The following GALNTL6 variants were observed in gnomAD, a reference collection of about 807,000 sequenced individuals.
The protein encoded by GALNTL6 is polypeptide N-acetylgalactosaminyltransferase like 6, also known as polypeptide N-acetylgalactosaminyltransferase-like 6.
A neutral mutation model predicts 73.7 loss-of-function variants in GALNTL6; 46 were observed. The observed-to-expected ratio is 0.62, with a 90% CI of 0.49 to 0.80. GALNTL6 has a LOEUF of 0.80. GALNTL6 is among the 30% of genes least tolerant of loss of function. GALNTL6 has a pLI of 0.00. For missense variants in GALNTL6, 604 were observed against 755.0 expected, an observed-to-expected ratio of 0.80 and a Z score of 2.34; for synonymous variants, 259 against 263.7, an observed-to-expected ratio of 0.98 and a Z score of 0.17.
intron 5 of GALNTL6, among the ~76,000 whole-genome samples, chr4:172,630,351 G>A (rs147341001): frequency 2.1e-4 from 32 of 152,280 alleles, no homozygotes; most frequent in African/African-American, 7.5e-4. Flanking sequence ...CAAGGTCATG[G>A]TGTGGAAGGA....
At chr4:172,406,338 A>G (rs1261823557) in intron 5 of GALNTL6, among the ~76,000 whole-genome samples, 1 of 152,036 alleles carries the variant, frequency 6.6e-6, no homozygotes, top group African/African-American at 2.4e-5. Flanking sequence ...CATATATTTT[A>G]GAAATTAAAA....
intron 2 of GALNTL6, among the ~76,000 whole-genome samples, chr4:171,966,961 A>G (rs1739400779): frequency 6.6e-6 from 1 of 152,222 alleles, no homozygotes; most frequent in Admixed American, 6.5e-5. Context: ...TTTTAAAACA[A>G]TAGCCTAATA....
intron 9 of GALNTL6, among the ~76,000 whole-genome samples, chr4:172,945,802 G>A (rs1399938942): frequency 6.6e-6 from 1 of 152,182 alleles, no homozygotes; most frequent in Admixed American, 6.5e-5. Flanking sequence ...CTTCAAAGAA[G>A]TGCTCAGATC....
intron 5 of GALNTL6, among the ~76,000 whole-genome samples, chr4:172,368,213 T>C (rs1742640745): frequency 6.6e-6 from 1 of 152,086 alleles, no homozygotes; most frequent in African/African-American, 2.4e-5. Flanking sequence ...ACTCCGTCTC[T>C]ACTAAAAATA....
intron 5 of GALNTL6, among the ~76,000 whole-genome samples, chr4:172,718,151 T>C (rs1041280553): frequency 2.0e-5 from 3 of 152,230 alleles, no homozygotes; most frequent in African/African-American, 7.2e-5. Flanking sequence ...AGCAACTGAA[T>C]AACTGCATTT....
chr4:172,964,314 G>A (rs1273959389), intron 10 of GALNTL6, among the ~76,000 whole-genome samples: 1 of 152,128 alleles, frequency 6.6e-6, no homozygotes, highest in Non-Finnish European at 1.5e-5. Context: ...GAAGAGTTCT[G>A]CAGAATTCTA....
At chr4:172,841,348 C>G (rs546477823) in intron 7 of GALNTL6, among the ~76,000 whole-genome samples, 24 of 152,288 alleles carry the variant, frequency 1.6e-4, no homozygotes, top group South Asian at 1.2e-3. Context: ...TTCTACAAAT[C>G]AATACTATCG....
chr4:171,858,691 T>G (rs1735752962), intron 2 of GALNTL6, among the ~76,000 whole-genome samples: 4 of 152,122 alleles, frequency 2.6e-5, no homozygotes, highest in Non-Finnish European at 5.9e-5. Flanking sequence ...CAAATACAAA[T>G]GTATCTTCTT....
rs1740220564 is a variant in GALNTL6 at position 171,988,934 on chromosome 4, G to GCA, written c.138+174216_138+174217insCA. ...GAGGCTTTGAACTGGGGGAAAAGGT[G>GCA]GCAATGAGGTGTGGCTGTAGCCTAG... On this transcript the variant is annotated intron_variant, in intron 2 of 12. Transcript: ENST00000506823. Among the ~76,000 whole-genome samples the GCA allele has an allele frequency of 5.9e-4, 89 of 152,036 alleles. No individual in the cohort carries two copies. The South Asian group carries it at 0.017, about 29-fold the overall frequency.
intron 2 of GALNTL6, among the ~76,000 whole-genome samples, chr4:172,030,571 G>T (rs1281852637): frequency 2.6e-5 from 4 of 151,756 alleles, no homozygotes; most frequent in Non-Finnish European, 5.9e-5. Flanking sequence ...TTAGCCAGGT[G>T]TGGTGGTGCA....
At chr4:172,186,763 C>T (rs950843855) in intron 2 of GALNTL6, among the ~76,000 whole-genome samples, 3 of 151,926 alleles carry the variant, frequency 2.0e-5, no homozygotes, top group Non-Finnish European at 2.9e-5. Context: ...AGGTGGCTGC[C>T]GGTGGCTAGG....
intron 2 of GALNTL6, among the ~76,000 whole-genome samples, chr4:172,108,726 A>G (rs547793288): frequency 6.6e-5 from 10 of 152,174 alleles, no homozygotes; most frequent in African/African-American, 1.9e-4. Flanking sequence ...GTGCAATAGA[A>G]ATTTGAATTT....
At chr4:172,411,165 G>A (rs1744420142) in intron 5 of GALNTL6, among the ~76,000 whole-genome samples, 3 of 152,104 alleles carry the variant, frequency 2.0e-5, no homozygotes, top group African/African-American at 7.2e-5. Flanking sequence ...ATGAATGTGT[G>A]TTTGCTGATG....
chr4:171,917,078 T>C (rs1432715416), intron 2 of GALNTL6, among the ~76,000 whole-genome samples: 84 of 152,136 alleles, frequency 5.5e-4, no homozygotes. Context: ...ATTTTTATGA[T>C]TCACATTTCT....
Position 172,668,813 on chromosome 4 carries a change from TA to T in GALNTL6, c.554-140543del, listed in dbSNP as rs1161446659. On this transcript the variant is annotated intron_variant, in intron 5 of 12. Coordinates refer to ENST00000506823, the MANE Select transcript of GALNTL6 (RefSeq NM_001034845.3). ...GTTCATCACATGGTCCAAAGAGAAGTAAAAATAAGATGAGGGGAGTGCAGCA... is the reference window on the plus strand; with the variant it reads ...GTTCATCACATGGTCCAAAGAGAAGTAAAATAAGATGAGGGGAGTGCAGCA... 16 of 152,022 alleles carry T rather than the reference TA, an allele frequency of 1.1e-4. No homozygotes were observed. The East Asian group carries it at 2.9e-3, about 28-fold the overall frequency. 9.4% of individuals were successfully genotyped at this position (152,022 alleles called of 1,614,324 possible). A position where few individuals can be genotyped will look rare whatever the true frequency, so the allele number is the denominator to read the frequency against.
In GALNTL6 at chr4:171,887,116, A is replaced by G. The variant is rs529581351; in HGVS notation, c.138+72398A>G. ...CATCTGGTAAGGGCCTTTTTGCTGC[A>G]TTATCACATGACAAATGGCAGACAG... On this transcript the variant is annotated intron_variant, in intron 2 of 12. Transcript: ENST00000506823. Among the ~76,000 whole-genome samples the G allele has an allele frequency of 2.2e-4, 33 of 152,248 alleles. 1 individual carries two copies. Among genetic ancestry groups the G allele is most frequent in the African/African-American group, 7.9e-4 (33 of 41,536 alleles).
rs1731448399 is a variant in GALNTL6 at position 172,069,461 on chromosome 4, C to CATATAACATATATGTTATAT, written c.139-160191_139-160172dup. Among the ~76,000 whole-genome samples the CATATAACATATATGTTATAT allele has an allele frequency of 1.2e-4, 6 of 52,038 alleles. 2 individuals carry two copies. Among genetic ancestry groups the CATATAACATATATGTTATAT allele is most frequent in the Admixed American group, 4.6e-4 (2 of 4,394 alleles). 34.1% of individuals were successfully genotyped at this position (52,038 alleles called of 152,430 possible). A position where few individuals can be genotyped will look rare whatever the true frequency, so the allele number is the denominator to read the frequency against. On this transcript the variant is annotated intron_variant, in intron 2 of 12. Transcript: ENST00000506823. ...ACATATATATGTAATATATAACACA[C>CATATAACATATATGTTATAT]ATATAACATATATGTTATATATAAC...
At chr4:172,391,783 A>G (rs977825361) in intron 5 of GALNTL6, among the ~76,000 whole-genome samples, 1 of 152,168 alleles carries the variant, frequency 6.6e-6, no homozygotes, top group East Asian at 1.9e-4. Flanking sequence ...TGCCAAACAC[A>G]TAGAAAGGAT....
intron 5 of GALNTL6, among the ~76,000 whole-genome samples, chr4:172,501,361 A>T (rs532604194): frequency 2.0e-5 from 3 of 152,318 alleles, no homozygotes; most frequent in East Asian, 1.9e-4. Context: ...AACATAAAGG[A>T]TATTTCTCAT....
Sources: gnomAD v4.1 joint callset for allele counts (sites outside exome capture counted in the v4.1 genomes callset) on GRCh38, gnomAD v4.1.1 for gene constraint, MANE v1.5 for transcripts, NCBI Gene and HGNC (gene_info 2026-07-23, HGNC 2026-07-21) for gene names.